Variants in GXYLT2 observed in about 807,000 individuals in gnomAD.
The protein encoded by GXYLT2 is glycosyltransferase 8 domain containing 4.
Under a neutral mutation model 45.8 loss-of-function variants are expected in GXYLT2, and 53 were observed. That is an observed-to-expected ratio of 1.16 (90% CI 0.93 to 1.46). GXYLT2 has a LOEUF of 1.46. Ranked by LOEUF, GXYLT2 falls within the 40% of genes most tolerant of loss-of-function variation. GXYLT2 has a pLI of 0.00. For synonymous variants in GXYLT2, 219 were observed against 214.2 expected, an observed-to-expected ratio of 1.02 and a Z score of -0.19; for missense variants, 551 against 544.4, an observed-to-expected ratio of 1.01 and a Z score of -0.12.
At chr3:72,966,784 G>T (rs888887921) in intron 5 of GXYLT2, among the ~76,000 whole-genome samples, 17 of 151,866 alleles carry the variant, frequency 1.1e-4, no homozygotes, top group Middle Eastern at 3.4e-3. Context: ...TGCCACCATG[G>T]CTGGCTAATT....
At chr3:72,943,542 A>G (rs904359079) in intron 3 of GXYLT2, among the ~76,000 whole-genome samples, 1 of 148,950 alleles carries the variant, frequency 6.7e-6, no homozygotes, top group Admixed American at 6.8e-5. Context: ...ACGCCTGGCT[A>G]ACTTTTTATT....
At chr3:72,957,046 G>GAA (rs754634276) in intron 4 of GXYLT2, among the ~76,000 whole-genome samples, 183 bp from the exon 5 acceptor site, 3 of 146,894 alleles carry the variant, frequency 2.0e-5, no homozygotes, top group Non-Finnish European at 3.0e-5. Flanking sequence ...GTGTACAGCT[G>GAA]AAAAAAGCGA....
intron 1 of GXYLT2, among the ~76,000 whole-genome samples, chr3:72,893,864 A>T (rs1352792451): frequency 6.7e-6 from 1 of 150,296 alleles, no homozygotes; most frequent in Non-Finnish European, 1.5e-5. Context: ...TTTTTTTGAG[A>T]TAGTGTCTCA....
chr3:72,909,038 T>TTTTC (rs1181414260), intron 2 of GXYLT2, among the ~76,000 whole-genome samples: 32 of 150,698 alleles, frequency 2.1e-4, no homozygotes, highest in South Asian at 6.3e-4. Context: ...CGTTTTTTCC[T>TTTTC]TTTCTTTCTT....
rs961582452 is a variant in GXYLT2 at position 72,901,418 on chromosome 3, C to G, written c.276-6949C>G. ...GGCAGAGGTTGCAGTAAGCCAAGAT[C>G]GCACCACTGCACTCCAGCCTGGGCT... is the stretch of plus-strand genomic sequence containing the variant. On this transcript the variant is annotated intron_variant, in intron 1 of 6. Transcript: ENST00000389617. Among the ~76,000 whole-genome samples the G allele has an allele frequency of 2.0e-5, 3 of 150,852 alleles. No individual in the cohort carries two copies. The East Asian group carries it at 6.0e-4, about 30-fold the overall frequency.
intron 2 of GXYLT2, among the ~76,000 whole-genome samples, chr3:72,911,784 T>C (rs1421246831): frequency 6.6e-6 from 1 of 152,058 alleles, no homozygotes; most frequent in African/African-American, 2.4e-5. Context: ...CTTTTATTTT[T>C]ATTTTTTTGA....
At chr3:72,963,048 A>G (rs1710797498) in intron 5 of GXYLT2, among the ~76,000 whole-genome samples, 1 of 152,046 alleles carries the variant, frequency 6.6e-6, no homozygotes, top group South Asian at 2.1e-4. Context: ...GTGGGAGCTT[A>G]TGCCTGTAAT....
chr3:72,923,819 T>TG (rs1289486483), intron 3 of GXYLT2, among the ~76,000 whole-genome samples: 1 of 152,188 alleles, frequency 6.6e-6, no homozygotes, highest in African/African-American at 2.4e-5. Flanking sequence ...TTTGTGGAGA[T>TG]GGGGTCTCGC....
intron 3 of GXYLT2, among the ~76,000 whole-genome samples, chr3:72,930,317 C>T (rs1468157310): frequency 1.3e-5 from 2 of 150,946 alleles, no homozygotes; most frequent in South Asian, 2.1e-4. Flanking sequence ...GCCTGGCCAA[C>T]ATGGTGAAAC....
intron 3 of GXYLT2, among the ~76,000 whole-genome samples, chr3:72,926,080 G>A (rs1379402955): frequency 6.6e-6 from 1 of 152,166 alleles, no homozygotes; most frequent in African/African-American, 2.4e-5. Flanking sequence ...TGCCTCAGGA[G>A]CACAGAGAAA....
chr3:72,890,727 G>A (rs1709167271), intron 1 of GXYLT2, among the ~76,000 whole-genome samples: 1 of 152,240 alleles, frequency 6.6e-6, no homozygotes, highest in African/African-American at 2.4e-5. Flanking sequence ...TGACTAGGAG[G>A]AGATCATGAA....
chr3:72,941,581 T>C (rs1215005331), intron 3 of GXYLT2, among the ~76,000 whole-genome samples: 1 of 152,140 alleles, frequency 6.6e-6, no homozygotes, highest in African/African-American at 2.4e-5. Flanking sequence ...CCTAGTAATC[T>C]TAGCCCAACA....
chr3:72,966,178 C>G (rs1334446924), intron 5 of GXYLT2, among the ~76,000 whole-genome samples: 2 of 151,636 alleles, frequency 1.3e-5, no homozygotes, highest in Non-Finnish European at 2.9e-5. Context: ...AGGGTTTCAT[C>G]ATGTTGGTCA....
At chr3:72,913,327 C>T (rs999451686) in intron 2 of GXYLT2, among the ~76,000 whole-genome samples, 1 of 151,638 alleles carries the variant, frequency 6.6e-6, no homozygotes, top group Non-Finnish European at 1.5e-5. Flanking sequence ...CGTGAGCCAC[C>T]GCGCCCGGCC....
chr3:72,893,086 T>G (rs1463976055), intron 1 of GXYLT2, among the ~76,000 whole-genome samples: 1 of 152,144 alleles, frequency 6.6e-6, no homozygotes, highest in Non-Finnish European at 1.5e-5. Context: ...TACGGCCGCT[T>G]CAATAATCTG....
At position 72,965,803 on chromosome 3, in the gene GXYLT2, G is replaced by A. The variant is rs150277503; in HGVS notation, c.977-1744G>A. Among the ~76,000 whole-genome samples the A allele has an allele frequency of 7.1e-3, 1,086 of 152,282 alleles. 7 individuals are homozygous for A. Among genetic ancestry groups the A allele is most frequent in the Non-Finnish European group, 0.012 (821 of 68,020 alleles). ...AATGGCCCTGGGGTAGAGGAGTAGG[G>A]AGGGGGCAAAATTGCCCCTGGTTGA... On this transcript the variant is annotated intron_variant, in intron 5 of 6. Transcript: ENST00000389617.
At chr3:72,958,421 G>T (rs1309250953) in intron 5 of GXYLT2, among the ~76,000 whole-genome samples, 1 of 151,962 alleles carries the variant, frequency 6.6e-6, no homozygotes, top group Non-Finnish European at 1.5e-5. Context: ...GACTTTGCCT[G>T]TGTTTGTTTG....
intron 6 of GXYLT2, among the ~76,000 whole-genome samples, chr3:72,973,586 C>T (rs1023028579): frequency 2.6e-5 from 4 of 152,182 alleles, no homozygotes; most frequent in Non-Finnish European, 2.9e-5. Context: ...TGAGACTAAT[C>T]GCAGCCACCT....
rs58274509 is a variant in GXYLT2 at position 72,951,928 on chromosome 3, G to A, written c.601-3170G>A. 3.4e-3 allele frequency among the ~76,000 whole-genome samples: 520 copies of A among 150,744 alleles called. 5 individuals carry two copies. Among genetic ancestry groups the A allele is most frequent in the African/African-American group, 0.012 (477 of 40,958 alleles). On this transcript the variant is annotated intron_variant, in intron 3 of 6. Transcript: ENST00000389617. ...ACAATCTCAGCTCACTGTAACCTCT[G>A]CCTCCCGGGTTCAAGGGATTCTCCT...
Sources: gnomAD v4.1 joint callset for allele counts (sites outside exome capture counted in the v4.1 genomes callset) on GRCh38, gnomAD v4.1.1 for gene constraint, MANE v1.5 for transcripts, NCBI Gene and HGNC (gene_info 2026-07-23, HGNC 2026-07-21) for gene names.